HTR1F: variants seen among roughly 807,000 people sequenced by gnomAD.
HTR1F encodes 5-hydroxytryptamine (serotonin) receptor 1F, G protein-coupled.
HTR1F carries 17 observed loss-of-function variants against 24.0 expected under a neutral mutation model. The observed-to-expected ratio is 0.71, with a 90% CI of 0.48 to 1.06. HTR1F has a LOEUF of 1.06. Among genes scored for constraint, HTR1F ranks in the 50% least tolerant of loss-of-function variants. The pLI is 0.00. For missense variants in HTR1F, 391 were observed against 427.8 expected (o/e 0.91, Z 0.76); for synonymous variants, 186 against 156.8 (o/e 1.19, Z -1.39).
chr3:87,861,508 T>C (rs1461113524), intron 2 of HTR1F, among the ~76,000 whole-genome samples: 4 of 152,132 alleles, frequency 2.6e-5, no homozygotes, highest in Non-Finnish European at 4.4e-5. Flanking sequence ...TTTCCATAAA[T>C]ATATTATACT....
chr3:87,798,153 C>T (rs1396511046), intron 1 of HTR1F, among the ~76,000 whole-genome samples: 2 of 152,076 alleles, frequency 1.3e-5, no homozygotes, highest in Non-Finnish European at 2.9e-5. Flanking sequence ...CATTGGTTGC[C>T]ACTCCCTCCA....
At chr3:87,904,868 T>C (rs1353833053) in intron 2 of HTR1F, among the ~76,000 whole-genome samples, 1 of 152,090 alleles carries the variant, frequency 6.6e-6, no homozygotes, top group East Asian at 1.9e-4. Context: ...GGAGGAGACA[T>C]AGGGATACTT....
intron 2 of HTR1F, among the ~76,000 whole-genome samples, chr3:87,913,693 A>G (rs1245789020): frequency 6.6e-6 from 1 of 152,206 alleles, no homozygotes; most frequent in African/African-American, 2.4e-5. Context: ...AGCACCCATC[A>G]ATGGCAGATT....
intron 2 of HTR1F, among the ~76,000 whole-genome samples, chr3:87,880,676 G>GTA (rs1705773436): frequency 6.7e-6 from 1 of 149,592 alleles, no homozygotes; most frequent in South Asian, 2.1e-4. Flanking sequence ...GTGTGTGTGT[G>GTA]TATTGATGAG....
intron 2 of HTR1F, among the ~76,000 whole-genome samples, chr3:87,880,340 A>G (rs1705763413): frequency 6.6e-6 from 1 of 152,174 alleles, no homozygotes; most frequent in Non-Finnish European, 1.5e-5. Context: ...ATCTCAATAA[A>G]ATTTTTTAAA....
intron 2 of HTR1F, among the ~76,000 whole-genome samples, chr3:87,873,018 C>T (rs1262041773): frequency 6.6e-6 from 1 of 151,024 alleles, no homozygotes; most frequent in Non-Finnish European, 1.5e-5. Flanking sequence ...AACCAATATC[C>T]CTAATGAATA....
chr3:87,976,621 A>G (rs1423678386), intron 2 of HTR1F, among the ~76,000 whole-genome samples: 1 of 152,244 alleles, frequency 6.6e-6, no homozygotes, highest in Non-Finnish European at 1.5e-5. Flanking sequence ...TAAATAATTT[A>G]ACATATTTTT....
At chr3:87,961,529 A>C (rs1172633968) in intron 2 of HTR1F, among the ~76,000 whole-genome samples, 1 of 152,070 alleles carries the variant, frequency 6.6e-6, no homozygotes, top group Non-Finnish European at 1.5e-5. Flanking sequence ...TGGGAGGCCT[A>C]GATGGGAGGA....
At chr3:87,844,798 T>C (rs1233330510) in intron 2 of HTR1F, among the ~76,000 whole-genome samples, 1 of 148,790 alleles carries the variant, frequency 6.7e-6, no homozygotes, top group Non-Finnish European at 1.5e-5. Context: ...CCTTTCCCCA[T>C]TGCTTGTTTT....
intron 2 of HTR1F, among the ~76,000 whole-genome samples, chr3:87,869,402 T>TAGAC (rs1705499179): frequency 7.8e-6 from 1 of 128,886 alleles, no homozygotes; most frequent in East Asian, 2.3e-4. Flanking sequence ...GATAGATAGA[T>TAGAC]AGATAGATAG....
intron 2 of HTR1F, among the ~76,000 whole-genome samples, chr3:87,899,193 A>C (rs1046944634): frequency 6.6e-6 from 1 of 152,240 alleles, no homozygotes; most frequent in Non-Finnish European, 1.5e-5. Flanking sequence ...ATAATGTATT[A>C]AGGAAACCAA....
At chr3:87,893,169 A>G (rs995810525) in intron 2 of HTR1F, among the ~76,000 whole-genome samples, 17 of 152,166 alleles carry the variant, frequency 1.1e-4, no homozygotes, top group African/African-American at 3.6e-4. Context: ...AGTGAGTGAT[A>G]TATACACAAA....
intron 2 of HTR1F, among the ~76,000 whole-genome samples, chr3:87,911,571 A>G (rs1203583107): frequency 6.6e-6 from 1 of 151,946 alleles, no homozygotes; most frequent in African/African-American, 2.4e-5. Flanking sequence ...AAAATTGAGA[A>G]GGGATATGAG....
intron 2 of HTR1F, among the ~76,000 whole-genome samples, chr3:87,869,320 T>C (rs1306831224): frequency 6.6e-6 from 1 of 151,814 alleles, no homozygotes; most frequent in African/African-American, 2.4e-5. Flanking sequence ...TACCACAGCA[T>C]GTTAGGTGAG....
At chr3:87,860,198 G>C (rs1308173364) in intron 2 of HTR1F, among the ~76,000 whole-genome samples, 3 of 152,030 alleles carry the variant, frequency 2.0e-5, no homozygotes, top group African/African-American at 7.2e-5. Flanking sequence ...TTTTTAACGT[G>C]GAAAATTGAA....
chr3:87,965,842 C>A (rs757069963), intron 2 of HTR1F, among the ~76,000 whole-genome samples: 2 of 152,208 alleles, frequency 1.3e-5, no homozygotes, highest in Non-Finnish European at 1.5e-5. Context: ...TTGACTAAGG[C>A]TGTTTATACC....
At chr3:87,892,153 G>A (rs533215808) in intron 2 of HTR1F, among the ~76,000 whole-genome samples, 193 of 152,312 alleles carry the variant, frequency 1.3e-3, no homozygotes, top group Non-Finnish European at 2.3e-3. Flanking sequence ...TGGGGATAAA[G>A]TGTATCACTG....
chr3:87,972,163 C>T (rs866767073), intron 2 of HTR1F, among the ~76,000 whole-genome samples: 3 of 152,204 alleles, frequency 2.0e-5, no homozygotes, highest in South Asian at 2.1e-4. Flanking sequence ...CTAGATCTTA[C>T]ATTCTAATGA....
At chr3:87,822,936 G>C (rs1313884456) in intron 2 of HTR1F, among the ~76,000 whole-genome samples, 1 of 152,150 alleles carries the variant, frequency 6.6e-6, no homozygotes, top group Admixed American at 6.5e-5. Context: ...GTGCTTGCTA[G>C]GAAAATGGTG....
Sources: allele counts gnomAD v4.1 joint callset (sites outside exome capture counted in the v4.1 genomes callset), GRCh38; gene constraint gnomAD v4.1.1; transcripts MANE v1.5; gene names NCBI Gene and HGNC (gene_info 2026-07-23, HGNC 2026-07-21).